Variants in PPP2R2C observed in about 807,000 individuals in gnomAD.
PPP2R2C encodes the protein protein phosphatase 2 regulatory subunit Bgamma.
Under a neutral mutation model 45.3 loss-of-function variants are expected in PPP2R2C, and 10 were observed. That is an observed-to-expected ratio of 0.22 (90% CI 0.14 to 0.37). The LOEUF (loss-of-function observed/expected upper bound fraction) is 0.37. PPP2R2C is among the 10% of genes least tolerant of loss of function. The probability of loss-of-function intolerance (pLI) is 1.00; values close to 1 mark genes in which losing one functional copy is unlikely to be tolerated. For synonymous variants in PPP2R2C, 257 were observed against 245.4 expected (o/e 1.05, Z -0.44); for missense variants, 308 against 619.7 (o/e 0.50, Z 5.34).
chr4:6,462,820 T>G (rs872883), intron 1 of PPP2R2C, among the ~76,000 whole-genome samples: 96,642 of 152,154 alleles, frequency 0.64, 31,918 homozygotes, highest in East Asian at 0.85. Context: ...AAATTCTTCA[T>G]CCAAAAGCAG....
At chr4:6,498,989 A>C (rs993554501) in intron 2 of PPP2R2C, among the ~76,000 whole-genome samples, 4 of 151,642 alleles carry the variant, frequency 2.6e-5, no homozygotes, top group African/African-American at 9.7e-5. Flanking sequence ...ACTTCATCTA[A>C]CTTGGGAGAC....
At chr4:6,406,836 T>C (rs1218374435) in intron 1 of PPP2R2C, among the ~76,000 whole-genome samples, 1 of 152,202 alleles carries the variant, frequency 6.6e-6, no homozygotes, top group Non-Finnish European at 1.5e-5. Context: ...AACTTGTGAA[T>C]GTGACCTTAT....
intron 1 of PPP2R2C, among the ~76,000 whole-genome samples, chr4:6,423,663 G>A (rs35058850): frequency 0.23 from 35,764 of 152,236 alleles, 4,944 homozygotes; most frequent in Admixed American, 0.4. Context: ...AAGGGTTGAA[G>A]TGAGAAAATG....
At chr4:6,346,048 G>A (rs1711880629) in intron 6 of PPP2R2C, among the ~76,000 whole-genome samples, 1 of 152,058 alleles carries the variant, frequency 6.6e-6, no homozygotes, top group Non-Finnish European at 1.5e-5. Flanking sequence ...ACCAACCACA[G>A]AGTCACGCCC....
intron 6 of PPP2R2C, among the ~76,000 whole-genome samples, chr4:6,347,567 C>G (rs115751807): frequency 3.9e-5 from 6 of 152,078 alleles, no homozygotes; most frequent in Admixed American, 3.9e-4. Flanking sequence ...AAGTTTGGTG[C>G]CTCCTTACCT....
Position 6,324,692 on chromosome 4 carries a change from C to T in PPP2R2C, c.1053-1099G>A, listed in dbSNP as rs993964714. 2.6e-5 allele frequency among the ~76,000 whole-genome samples: 4 copies of T among 152,204 alleles called. No homozygotes were observed. Among genetic ancestry groups the T allele is most frequent in the East Asian group, 1.9e-4 (1 of 5,184 alleles). On this transcript the variant is annotated intron_variant, in intron 8 of 8. Transcript: ENST00000382599. This position sits in a 1 kb window ranked among gnomAD's most constrained non-coding sequence, Gnocchi z 4.1. ...CAGGGGCTCGCTGCCCTCACCGTCC[C>T]GCTAAAGAGAATTCCACACCATTTC...
upstream of PPP2R2C, among the ~76,000 whole-genome samples, chr4:6,474,084 A>G (rs2108773300): frequency 6.6e-6 from 1 of 152,212 alleles, no homozygotes; most frequent in African/African-American, 2.4e-5. Flanking sequence ...GGCCGGAAGG[A>G]TGTGCTTGTT....
Position 6,394,244 on chromosome 4 carries a change from CTCAG to C in PPP2R2C, c.71-13154_71-13151del, listed in dbSNP as rs575054079. Among the ~76,000 whole-genome samples, 18 of 152,310 alleles carry C rather than the reference CTCAG, an allele frequency of 1.2e-4. No individual in the cohort carries two copies. In the South Asian group the frequency reaches 3.5e-3, roughly 30 times the overall value. On this transcript the variant is annotated intron_variant, in intron 1 of 8. Coordinates refer to ENST00000382599, the MANE Select transcript of PPP2R2C (RefSeq NM_020416.4). ...AGCACCTCAGTGGGGCTGCCTGATT[CTCAG>C]TAAGTTATAAACAGTCTCTGAGCCT...
At chr4:6,470,771 G>A (rs908118354) in intron 1 of PPP2R2C, among the ~76,000 whole-genome samples, 4 of 152,194 alleles carry the variant, frequency 2.6e-5, no homozygotes, top group African/African-American at 9.6e-5. Context: ...CAAAGCCGCG[G>A]CCGGGTCAGA....
chr4:6,487,242 T>G (rs1722558695), intron 2 of PPP2R2C, among the ~76,000 whole-genome samples: 1 of 151,986 alleles, frequency 6.6e-6, no homozygotes, highest in Non-Finnish European at 1.5e-5. Context: ...CAATTATACT[T>G]TAAAGAGATT....
At chr4:6,553,953 C>T (rs1483139060) in intron 1 of PPP2R2C, among the ~76,000 whole-genome samples, 1 of 152,104 alleles carries the variant, frequency 6.6e-6, no homozygotes, top group African/African-American at 2.4e-5. Flanking sequence ...CAGACTGTGG[C>T]CCTGCTCCCT....
intron 2 of PPP2R2C, chr4:6,535,151 C>T (rs1724563330): frequency 8.4e-7 from 1 of 1,186,174 alleles, no homozygotes; most frequent in Non-Finnish European, 1.2e-6. Context: ...GACCGGATCC[C>T]AGCACGGTGG....
rs998626879 is a variant in PPP2R2C at position 6,345,574 on chromosome 4, G to A, written c.790+2272C>T. ...GAGACGTGAGAGAGGCTTGGCCGCT[G>A]TGGGCTGGGAGGATGGGGGAGGGGC... is the stretch of plus-strand genomic sequence containing the variant. On this transcript the variant is annotated intron_variant, in intron 6 of 8. Coordinates refer to ENST00000382599, the MANE Select transcript of PPP2R2C (RefSeq NM_020416.4). This position sits in a 1 kb window ranked among gnomAD's most constrained non-coding sequence, Gnocchi z 5.3. 6.6e-6 allele frequency among the ~76,000 whole-genome samples: 1 copy of A among 152,162 alleles called. No homozygotes were observed. Among genetic ancestry groups the A allele is most frequent in the Non-Finnish European group, 1.5e-5 (1 of 68,014 alleles).
At position 6,505,093 on chromosome 4, in the gene PPP2R2C, C is replaced by T. The variant is rs190904816; in HGVS notation, c.49+30178G>A. Among the ~76,000 whole-genome samples the T allele has an allele frequency of 3.3e-3, 495 of 152,204 alleles. 1 individual carries two copies. The highest frequency in any genetic ancestry group is 0.011 in the African/African-American group (472 of 41,524). On this transcript the variant is annotated intron_variant, in intron 2 of 9. Coordinates refer to the PPP2R2C transcript ENST00000506140. ...ACAAACAAAAGAACAATGACTTGATCCACTACTGACTTCTCATCAGAAACT... is the reference window on the plus strand; with the variant it reads ...ACAAACAAAAGAACAATGACTTGATTCACTACTGACTTCTCATCAGAAACT...
chr4:6,406,082 G>C (rs1055337561), intron 1 of PPP2R2C, among the ~76,000 whole-genome samples: 1 of 152,112 alleles, frequency 6.6e-6, no homozygotes, highest in Non-Finnish European at 1.5e-5. Flanking sequence ...TGCTCATGTT[G>C]AGCCTCACCC....
Position 6,535,686 on chromosome 4 carries a change from C to T in PPP2R2C, c.-58-309G>A, listed in dbSNP as rs557237080. 3.9e-5 allele frequency among the ~76,000 whole-genome samples: 6 copies of T among 152,352 alleles called. No individual in the cohort carries two copies. In the East Asian group the frequency reaches 7.7e-4, roughly 20 times the overall value. ...TGTCGTTTGTCTTCAAACTTCACCC[C>T]GCAGCAGCTATTTCCCCACAGCCTA... On this transcript the variant is annotated intron_variant, in intron 1 of 9. Transcript: ENST00000506140.
At chr4:6,520,332 T>G (rs999267487) in intron 2 of PPP2R2C, among the ~76,000 whole-genome samples, 10 of 151,648 alleles carry the variant, frequency 6.6e-5, no homozygotes, top group African/African-American at 2.2e-4. Context: ...CCGCAGGGGG[T>G]AGCATGGTCT....
intron 1 of PPP2R2C, among the ~76,000 whole-genome samples, chr4:6,402,829 T>C (rs973805955): frequency 1.3e-5 from 2 of 152,172 alleles, no homozygotes; most frequent in Admixed American, 1.3e-4. Flanking sequence ...GGGGCATGCA[T>C]GCGCCCAGCT....
intron 1 of PPP2R2C, among the ~76,000 whole-genome samples, chr4:6,560,034 T>C (rs1050115164): frequency 2.6e-5 from 4 of 152,344 alleles, no homozygotes; most frequent in African/African-American, 9.6e-5. Flanking sequence ...CACGTCAAAA[T>C]TGACATGTCC....
Sources: gnomAD v4.1 joint callset for allele counts (sites outside exome capture counted in the v4.1 genomes callset) on GRCh38, gnomAD v4.1.1 for gene constraint, Gnocchi (gnomAD v3.1) non-coding constraint, MANE v1.5 for transcripts, NCBI Gene and HGNC (gene_info 2026-07-23, HGNC 2026-07-21) for gene names.